The following ITFG1 variants were observed in gnomAD, a reference collection of about 807,000 sequenced individuals.
ITFG1 encodes the protein T-cell immunomodulatory protein.
In ITFG1, 34 loss-of-function variants were observed where a neutral mutation model predicts 81.8. The observed-to-expected ratio is 0.42, with a 90% CI of 0.32 to 0.55. The LOEUF is 0.55. Ranked by LOEUF, ITFG1 falls within the 20% of genes least tolerant of loss-of-function variation. The probability of loss-of-function intolerance (pLI) is 0.17; values close to 1 mark genes in which losing one functional copy is unlikely to be tolerated. For synonymous variants in ITFG1, 285 were observed against 270.6 expected (o/e 1.05, Z -0.52); for missense variants, 672 against 755.4 (o/e 0.89, Z 1.29).
Position 47,454,000 on chromosome 16 carries a change from A to T in ITFG1, c.427+13T>A. ...TCAATGATAAATATTAAAAATTTTT[A>T]AAACAAATTCACCTAATGTTTGATT... On this transcript the variant is annotated intron_variant, in intron 3 of 17. Coordinates refer to ENST00000320640, the MANE Select transcript of ITFG1 (RefSeq NM_030790.5). 3.2e-6 allele frequency: 5 copies of T among 1,549,184 alleles called. No homozygotes were observed. Among genetic ancestry groups the T allele is most frequent in the Non-Finnish European group, 4.4e-6 (5 of 1,138,864 alleles).
At chr16:47,164,298 G>A (rs139884338) in intron 14 of ITFG1, among the ~76,000 whole-genome samples, 100 of 151,136 alleles carry the variant, frequency 6.6e-4, no homozygotes, top group African/African-American at 2.1e-3. Flanking sequence ...CTTCCTACTT[G>A]GCATACCTGG....
chr16:47,430,200 G>C (rs1224768496), intron 5 of ITFG1, among the ~76,000 whole-genome samples: 1 of 151,366 alleles, frequency 6.6e-6, no homozygotes, highest in Admixed American at 6.6e-5. Flanking sequence ...TAGGATTATA[G>C]GCATGTACCA....
At chr16:47,388,854 TC>T (rs1968495195) in intron 6 of ITFG1, among the ~76,000 whole-genome samples, 1 of 152,152 alleles carries the variant, frequency 6.6e-6, no homozygotes, top group African/African-American at 2.4e-5. Context: ...TTATCTGTAC[TC>T]CCCAACTCCA....
At chr16:47,224,679 G>T (rs900587084) in intron 13 of ITFG1, among the ~76,000 whole-genome samples, 1 of 152,020 alleles carries the variant, frequency 6.6e-6, no homozygotes, top group Non-Finnish European at 1.5e-5. Flanking sequence ...GACATGCAAA[G>T]AAACAGTATG....
chr16:47,356,671 T>C (rs574004997), intron 8 of ITFG1, among the ~76,000 whole-genome samples: 12 of 152,312 alleles, frequency 7.9e-5, no homozygotes, highest in East Asian at 7.7e-4. Context: ...CAGCTCTTCA[T>C]TGGGTTAAGG....
chr16:47,259,109 T>C (rs1966175511), intron 11 of ITFG1, among the ~76,000 whole-genome samples: 1 of 152,154 alleles, frequency 6.6e-6, no homozygotes, highest in Non-Finnish European at 1.5e-5. Flanking sequence ...CATTTTATCA[T>C]TTGCTTTCAA....
At chr16:47,300,609 G>C (rs1967060992) in intron 10 of ITFG1, among the ~76,000 whole-genome samples, 1 of 152,332 alleles carries the variant, frequency 6.6e-6, no homozygotes, top group Admixed American at 6.5e-5. Context: ...AAAACTCACA[G>C]CTGAAGGGCT....
At chr16:47,183,862 C>T (rs1965169706) in intron 14 of ITFG1, among the ~76,000 whole-genome samples, 1 of 151,992 alleles carries the variant, frequency 6.6e-6, no homozygotes, top group African/African-American at 2.4e-5. Flanking sequence ...ACATTCAAAC[C>T]AAAGGCAAAG....
intron 10 of ITFG1, chr16:47,299,627 G>A (rs1202001259): frequency 6.5e-6 from 1 of 152,680 alleles, no homozygotes; most frequent in African/African-American, 2.4e-5. Flanking sequence ...AACCAGCATG[G>A]GGAAAGTGGG....
chr16:47,320,346 A>G (rs1426914115), intron 8 of ITFG1, among the ~76,000 whole-genome samples: 1 of 152,180 alleles, frequency 6.6e-6, no homozygotes, highest in East Asian at 1.9e-4. Context: ...TGTTTTGCTT[A>G]TATTTTATAA....
chr16:47,226,616 T>C (rs902447445), intron 13 of ITFG1, among the ~76,000 whole-genome samples: 1 of 147,140 alleles, frequency 6.8e-6, no homozygotes, highest in African/African-American at 2.5e-5. Context: ...AGTGACAACA[T>C]GCGGTGTTTG....
chr16:47,216,994 G>A (rs1965632811), intron 14 of ITFG1, among the ~76,000 whole-genome samples: 1 of 152,064 alleles, frequency 6.6e-6, no homozygotes, highest in African/African-American at 2.4e-5. Context: ...GCAAATAGAT[G>A]TTTACTGTTG....
In ITFG1 at chr16:47,311,381, T is replaced by G. The variant is rs200530613; in HGVS notation, c.929A>C (p.Lys310Thr). ...WVPVLQDFSN[K>T]GTLWGFVPFV... ...TGGCACAAAGCCCCAGAGTGTGCCC[T>G]TATTGCTGAAATCTTGTAGGACTGG... is the stretch of plus-strand genomic sequence containing the variant. Residue 310 changes from lysine (K) to threonine (T), a missense_variant, in exon 10 of 18, where the codon AAG becomes ACG. This residue lies in a region of ITFG1 where 560 missense variants were observed against 625.7 expected (regional missense o/e 0.90). Coordinates refer to ENST00000320640, the MANE Select transcript of ITFG1 (RefSeq NM_030790.5). 5.6e-6 allele frequency: 9 copies of G among 1,613,156 alleles called. No homozygotes were observed. In the South Asian group the frequency reaches 9.9e-5, roughly 18 times the overall value.
chr16:47,279,897 G>T (rs1966434935), intron 10 of ITFG1, among the ~76,000 whole-genome samples: 1 of 152,024 alleles, frequency 6.6e-6, no homozygotes, highest in African/African-American at 2.4e-5. Flanking sequence ...GGATTGTATT[G>T]ATTTCTATTT....
chr16:47,437,435 T>C (rs1461460187), intron 5 of ITFG1, among the ~76,000 whole-genome samples: 1 of 151,192 alleles, frequency 6.6e-6, no homozygotes, highest in East Asian at 1.9e-4. Context: ...ACCACTGCAC[T>C]TCGGCCTGGG....
intron 10 of ITFG1, among the ~76,000 whole-genome samples, chr16:47,272,266 T>C (rs1966350944): frequency 3.9e-5 from 6 of 152,118 alleles, no homozygotes. Context: ...AGAAGATTAG[T>C]GGTTTCCTAG....
intron 13 of ITFG1, among the ~76,000 whole-genome samples, chr16:47,226,771 A>G (rs912303306): frequency 6.6e-6 from 1 of 152,084 alleles, no homozygotes; most frequent in South Asian, 2.1e-4. Context: ...GTAAAAGGAG[A>G]TAAGGGAATA....
At chr16:47,249,708 A>G (rs74326892) in intron 12 of ITFG1, among the ~76,000 whole-genome samples, 16,631 of 152,196 alleles carry the variant, frequency 0.11, 1,272 homozygotes, top group Non-Finnish European at 0.15. Context: ...TAACATGATA[A>G]TGCTTAGGAT....
intron 14 of ITFG1, among the ~76,000 whole-genome samples, chr16:47,166,525 A>G (rs1468129960): frequency 6.6e-6 from 1 of 152,242 alleles, no homozygotes; most frequent in African/African-American, 2.4e-5. Flanking sequence ...TGAAAAATAA[A>G]TAAGCAGAGA....
Sources: allele counts gnomAD v4.1 joint callset (sites outside exome capture counted in the v4.1 genomes callset), GRCh38; gene constraint gnomAD v4.1.1; regional missense constraint gnomAD v4.1.1; transcripts MANE v1.5; gene names NCBI Gene and HGNC (gene_info 2026-07-23, HGNC 2026-07-21).